The following DCLK3 variants were observed in gnomAD, a reference collection of about 807,000 sequenced individuals.
The protein encoded by DCLK3 is serine/threonine-protein kinase DCLK3.
In DCLK3, 30 loss-of-function variants were observed where a neutral mutation model predicts 46.4. The observed-to-expected ratio is 0.65, with a 90% confidence interval of 0.48 to 0.88. The LOEUF (loss-of-function observed/expected upper bound fraction) is 0.88. DCLK3 is among the 40% of genes least tolerant of loss of function. DCLK3 has a pLI of 0.00. For synonymous variants in DCLK3, 401 were observed against 339.2 expected (o/e 1.18, Z -2.00); for missense variants, 846 against 907.1 (o/e 0.93, Z 0.87).
chr3:36,740,167 A>G (rs1343847966), intron 1 of DCLK3, among the ~76,000 whole-genome samples: 1 of 140,714 alleles, frequency 7.1e-6, no homozygotes, highest in Non-Finnish European at 1.5e-5. Context: ...AGAATGCTAC[A>G]CCTCCCTCCC....
At chr3:36,755,917 A>T (rs994238601) in intron 1 of DCLK3, among the ~76,000 whole-genome samples, 3 of 152,224 alleles carry the variant, frequency 2.0e-5, no homozygotes, top group African/African-American at 7.2e-5. Flanking sequence ...CCCCAGCAGC[A>T]GACGAGAAAG....
intron 2 of DCLK3, among the ~76,000 whole-genome samples, chr3:36,733,270 C>T (rs554415347): frequency 2.2e-4 from 33 of 152,292 alleles, no homozygotes; most frequent in African/African-American, 7.5e-4. Flanking sequence ...ACATGAACAT[C>T]CTATATGCTA....
At chr3:36,721,444 A>T in intron 3 of DCLK3, 83 bp downstream of exon 3, 2 of 1,532,032 alleles carry the variant, frequency 1.3e-6, no homozygotes. Flanking sequence ...GATTTATTCC[A>T]TATTGAAAAC....
intron 1 of DCLK3, among the ~76,000 whole-genome samples, chr3:36,741,966 A>G (rs1321066876): frequency 6.6e-6 from 1 of 152,212 alleles, no homozygotes; most frequent in Non-Finnish European, 1.5e-5. Context: ...AGGGATCCTC[A>G]GGGGAGAACC....
In DCLK3 at chr3:36,715,303, G is replaced by A. The variant is rs949970606; in HGVS notation, c.*25C>T. Reference sequence around the variant, plus strand: ...TCTCTGTCCTTGAGCAGAACTGGGGGCTGGACAGATTCCCAAGGTGGTGAC... The same window carrying A: ...TCTCTGTCCTTGAGCAGAACTGGGGACTGGACAGATTCCCAAGGTGGTGAC... On this transcript the variant is annotated 3_prime_UTR_variant, in exon 5 of 5. Transcript: ENST00000636136. 1 of 1,613,398 alleles carries A rather than the reference G, an allele frequency of 6.2e-7. No homozygotes were observed. Among genetic ancestry groups the A allele is most frequent in the East Asian group, 2.2e-5 (1 of 44,834 alleles).
intron 2 of DCLK3, among the ~76,000 whole-genome samples, chr3:36,723,434 T>G (rs902750290): frequency 1.3e-5 from 2 of 152,186 alleles, no homozygotes; most frequent in African/African-American, 4.8e-5. Flanking sequence ...ACCCAAATGT[T>G]AATCCCCAAG....
intron 2 of DCLK3, among the ~76,000 whole-genome samples, chr3:36,728,193 C>T (rs1280466504): frequency 6.6e-6 from 1 of 152,204 alleles, no homozygotes; most frequent in Admixed American, 6.5e-5. Flanking sequence ...TCTAAATCTG[C>T]CCTCTCCAGT....
At chr3:36,760,434 C>T (rs1314483401) in intron 1 of DCLK3, among the ~76,000 whole-genome samples, 1 of 145,914 alleles carries the variant, frequency 6.9e-6, no homozygotes, top group Admixed American at 7.1e-5. Flanking sequence ...AATGAGAATA[C>T]ATGGACACAG....
intron 3 of DCLK3, among the ~76,000 whole-genome samples, chr3:36,718,619 G>A (rs932952850): frequency 2.0e-5 from 3 of 152,202 alleles, no homozygotes; most frequent in African/African-American, 4.8e-5. Flanking sequence ...CAGCAGGACC[G>A]TGAGTCCACA....
In DCLK3 at chr3:36,760,589, C is replaced by A. The variant is rs568406433; in HGVS notation, c.82+3593G>T. On this transcript the variant is annotated intron_variant, in intron 1 of 4. Coordinates refer to ENST00000636136, the MANE Select transcript of DCLK3 (RefSeq NM_001394672.2). ...CATGTATACATATGTAACTAACCTG[C>A]ATGTTGTGCACATGTACCCTAAAAC... Among the ~76,000 whole-genome samples, 11 of 152,108 alleles carry A rather than the reference C, an allele frequency of 7.2e-5. No individual in the cohort carries two copies. In the South Asian group the frequency reaches 2.3e-3, roughly 32 times the overall value.
intron 1 of DCLK3, among the ~76,000 whole-genome samples, chr3:36,758,335 CT>C (rs1701506485): frequency 6.6e-6 from 1 of 152,068 alleles, no homozygotes; most frequent in South Asian, 2.1e-4. Context: ...TGCATTTATA[CT>C]GTAGTTGATG....
rs1395802603 is a variant in DCLK3, at chr3:36,728,944, C to G, written c.1960-7285G>C. ...CAGCACCATCAGCATCTCCTGTGAG[C>G]TGGTTACAGCTCTCAGCTGCCCCAG... On this transcript the variant is annotated intron_variant, in intron 2 of 4. Transcript: ENST00000636136. Among the ~76,000 whole-genome samples, 3 of 152,170 alleles carry G rather than the reference C, an allele frequency of 2.0e-5. No individual in the cohort carries two copies. The East Asian group carries it at 5.8e-4, about 29-fold the overall frequency.
At chr3:36,733,514 C>T (rs529220240) in intron 2 of DCLK3, among the ~76,000 whole-genome samples, 13 of 152,294 alleles carry the variant, frequency 8.5e-5, no homozygotes, top group African/African-American at 2.9e-4. Context: ...CCCTTCCACC[C>T]TCTGTGAGCT....
chr3:36,750,662 CATTTTAGAACTG>C (rs1559394163), intron 1 of DCLK3, among the ~76,000 whole-genome samples: 1 of 152,182 alleles, frequency 6.6e-6, no homozygotes, highest in Admixed American at 6.5e-5. Flanking sequence ...CAGATCTTTG[CATTTTAGAACTG>C]CAAGGATAGT....
intron 1 of DCLK3, among the ~76,000 whole-genome samples, chr3:36,746,761 A>G (rs1701396939): frequency 6.6e-6 from 1 of 152,234 alleles, no homozygotes; most frequent in South Asian, 2.1e-4. Context: ...AAGTGGTTAA[A>G]CTGGAAGTCC....
At chr3:36,724,561 C>T (rs1236050713) in intron 2 of DCLK3, among the ~76,000 whole-genome samples, 1 of 152,074 alleles carries the variant, frequency 6.6e-6, no homozygotes, top group Non-Finnish European at 1.5e-5. Context: ...GCGGGTCTTT[C>T]CTGTGCTGTT....
chr3:36,715,563 G>A, intron 4 of DCLK3, 42 bp from the exon 5 acceptor site: 1 of 1,504,194 alleles, frequency 6.6e-7, no homozygotes, highest in Non-Finnish European at 8.9e-7. Flanking sequence ...GAATGCAGGT[G>A]GTTCTGAATT....
In DCLK3 at chr3:36,714,532, CAT is replaced by C. The variant is rs1243378355; in HGVS notation, c.*794_*795del. ...TGTAATCCATTTACTGCATTTCTGA[CAT>C]ATTAATGTACTAAATGGCTCCCTCG... On this transcript the variant is annotated 3_prime_UTR_variant, in exon 5 of 5. Coordinates refer to ENST00000636136, the MANE Select transcript of DCLK3 (RefSeq NM_001394672.2). 2.6e-5 allele frequency: 4 copies of C among 152,204 alleles called. No homozygotes were observed. The highest frequency in any genetic ancestry group is 5.9e-5 in the Non-Finnish European group (4 of 68,044). The allele number at this position is 152,204 out of a possible 1,614,324, so 9.4% of individuals were successfully genotyped here.
intron 3 of DCLK3, among the ~76,000 whole-genome samples, chr3:36,719,466 G>T (rs768774263): frequency 6.6e-6 from 1 of 152,108 alleles, no homozygotes; most frequent in Non-Finnish European, 1.5e-5. Flanking sequence ...CTGTTGAGAG[G>T]GATTGATTTT....
Sources: gnomAD v4.1 joint callset for allele counts (sites outside exome capture counted in the v4.1 genomes callset) on GRCh38, gnomAD v4.1.1 for gene constraint, MANE v1.5 for transcripts, NCBI Gene and HGNC (gene_info 2026-07-23, HGNC 2026-07-21) for gene names.